Variants in MECOM observed in about 807,000 individuals in gnomAD.
The protein encoded by MECOM is MDS1 and EVI1 complex locus.
Under a neutral mutation model 116.3 loss-of-function variants are expected in MECOM, and 13 were observed. That is an observed-to-expected ratio of 0.11 (90% CI 0.07 to 0.18). The LOEUF is 0.18. Among genes scored for constraint, MECOM ranks in the 10% least tolerant of loss-of-function variants. MECOM has a pLI of 1.00. For synonymous variants in MECOM, 528 were observed against 535.2 expected, an observed-to-expected ratio of 0.99 and a Z score of 0.19; for missense variants, 1,299 against 1,509.0, an observed-to-expected ratio of 0.86 and a Z score of 2.31.
intron 1 of MECOM, among the ~76,000 whole-genome samples, chr3:169,599,978 T>C (rs913540717): frequency 1.3e-5 from 2 of 150,206 alleles, no homozygotes; most frequent in East Asian, 1.9e-4. Flanking sequence ...CTTGACTTAC[T>C]TTTTTTTTTC....
At chr3:169,139,538 A>G (rs1166413037) in intron 3 of MECOM, among the ~76,000 whole-genome samples, 1 of 152,142 alleles carries the variant, frequency 6.6e-6, no homozygotes, top group African/African-American at 2.4e-5. Flanking sequence ...CATAAATTGT[A>G]TTAATTGTAA....
chr3:169,286,180 T>C (rs898771342), intron 2 of MECOM, among the ~76,000 whole-genome samples: 2 of 152,176 alleles, frequency 1.3e-5, no homozygotes, highest in African/African-American at 2.4e-5. Context: ...AAATGATCAG[T>C]AGCTCTTCTT....
intron 1 of MECOM, among the ~76,000 whole-genome samples, chr3:169,392,691 TAA>T (rs946809656): frequency 2.0e-5 from 3 of 152,286 alleles, no homozygotes; most frequent in Admixed American, 6.5e-5. Context: ...TGCTGAGTGC[TAA>T]AAGAGTTGAG....
chr3:169,534,501 A>C (rs560166688), intron 1 of MECOM, among the ~76,000 whole-genome samples: 1 of 152,042 alleles, frequency 6.6e-6, no homozygotes, highest in African/African-American at 2.4e-5. Flanking sequence ...GATAAAAATT[A>C]TGTGGTCATA....
intron 1 of MECOM, 138 bp downstream of exon 1, chr3:169,663,197 TG>T: frequency 1.0e-6 from 1 of 954,898 alleles, no homozygotes; most frequent in Non-Finnish European, 1.6e-6. Context: ...GGCAGGTTGC[TG>T]GGGCTGCGCT....
At chr3:169,218,964 G>T (rs2149491803) in intron 2 of MECOM, among the ~76,000 whole-genome samples, 1 of 152,218 alleles carries the variant, frequency 6.6e-6, no homozygotes, top group East Asian at 1.9e-4. Context: ...CTGCGTGTGT[G>T]TGTGTGTGCT....
intron 1 of MECOM, among the ~76,000 whole-genome samples, chr3:169,541,765 C>T (rs1760091942): frequency 7.2e-6 from 1 of 139,024 alleles, no homozygotes; most frequent in Admixed American, 7.3e-5. Flanking sequence ...CTCTTATCAG[C>T]CCAGCATCCT....
intron 2 of MECOM, among the ~76,000 whole-genome samples, chr3:169,317,016 T>G (rs1311802572): frequency 2.0e-5 from 3 of 152,130 alleles, no homozygotes; most frequent in Non-Finnish European, 4.4e-5. Flanking sequence ...ATTCCAGAGA[T>G]AAGAAATGGA....
At position 169,083,898 on chromosome 3, in the gene MECOM, T is replaced by C. The variant is rs1716906088; in HGVS notation, c.*1011A>G. 1 of 222,288 alleles carries C rather than the reference T, an allele frequency of 4.5e-6. No individual in the cohort carries two copies. The highest frequency in any genetic ancestry group is 9.0e-6 in the Non-Finnish European group (1 of 111,278). 13.8% of individuals were successfully genotyped at this position (222,288 alleles called of 1,614,324 possible). On this transcript the variant is annotated 3_prime_UTR_variant, in exon 17 of 17. Transcript: ENST00000651503. ...CGATTTCAGTATTACAAAAACTAAG[T>C]TGCATCTATTCGTATTTAGTTCATT...
intron 1 of MECOM, among the ~76,000 whole-genome samples, chr3:169,412,541 A>C (rs1245650591): frequency 6.6e-6 from 1 of 152,078 alleles, no homozygotes; most frequent in African/African-American, 2.4e-5. Flanking sequence ...ATTGATTTTC[A>C]TAGAAGGATT....
intron 2 of MECOM, among the ~76,000 whole-genome samples, chr3:169,356,565 C>T (rs1178885616): frequency 6.6e-6 from 1 of 151,886 alleles, no homozygotes; most frequent in Non-Finnish European, 1.5e-5. Context: ...CGGACGGCTC[C>T]ATCAGTCTGT....
chr3:169,210,427 T>C (rs559468267), intron 2 of MECOM, among the ~76,000 whole-genome samples: 89 of 152,302 alleles, frequency 5.8e-4, no homozygotes, highest in African/African-American at 2.0e-3. Flanking sequence ...GCGGCATTAT[T>C]GTTAGCTACT....
At chr3:169,431,504 T>C (rs774058922) in intron 1 of MECOM, among the ~76,000 whole-genome samples, 39 of 152,220 alleles carry the variant, frequency 2.6e-4, no homozygotes, top group Non-Finnish European at 4.9e-4. Context: ...TCCCTTGACC[T>C]GTTGCCAAAT....
intron 2 of MECOM, among the ~76,000 whole-genome samples, chr3:169,233,921 T>G (rs1189185922): frequency 2.6e-5 from 4 of 152,134 alleles, no homozygotes; most frequent in Non-Finnish European, 4.4e-5. Context: ...TGCTTATCAG[T>G]TTTTTAAATG....
chr3:169,161,793 C>G (rs986511922), intron 2 of MECOM, among the ~76,000 whole-genome samples: 1 of 152,154 alleles, frequency 6.6e-6, no homozygotes, highest in Admixed American at 6.5e-5. Context: ...CTCTCTCTCT[C>G]TCTCTCTCCC....
chr3:169,223,152 A>G (rs1252925322), intron 2 of MECOM, among the ~76,000 whole-genome samples: 2 of 151,942 alleles, frequency 1.3e-5, no homozygotes, highest in Non-Finnish European at 2.9e-5. Context: ...ACTATATGTT[A>G]AGTTCTAGGG....
chr3:169,461,346 A>AT, intron 1 of MECOM, among the ~76,000 whole-genome samples: 1 of 152,310 alleles, frequency 6.6e-6, no homozygotes, highest in South Asian at 2.1e-4. Context: ...ACATTTTTAC[A>AT]TAAAAAAGTT....
chr3:169,347,915 T>A (rs774153203), intron 2 of MECOM, among the ~76,000 whole-genome samples: 1 of 151,998 alleles, frequency 6.6e-6, no homozygotes, highest in African/African-American at 2.4e-5. Context: ...TTGAGCAGTC[T>A]GCCATCCCAT....
chr3:169,209,744 A>C (rs1224599266), intron 2 of MECOM, among the ~76,000 whole-genome samples: 2 of 152,210 alleles, frequency 1.3e-5, no homozygotes, highest in Non-Finnish European at 2.9e-5. Flanking sequence ...GAATGCTTTT[A>C]CACTGTTGGT....
Sources: gnomAD v4.1 joint callset for allele counts (sites outside exome capture counted in the v4.1 genomes callset) on GRCh38, gnomAD v4.1.1 for gene constraint, MANE v1.5 for transcripts, NCBI Gene and HGNC (gene_info 2026-07-23, HGNC 2026-07-21) for gene names.